The following ZNF91 variants were observed in gnomAD, a reference collection of about 807,000 sequenced individuals.
The protein encoded by ZNF91 is zinc finger protein 91.
In ZNF91, 7 loss-of-function variants were observed where a neutral mutation model predicts 12.6. The ratio of observed to expected loss-of-function variants is 0.55; its 90% CI spans 0.31 to 1.04. The LOEUF (loss-of-function observed/expected upper bound fraction) is 1.04, where lower values mean the gene tolerates loss of function less well. ZNF91 is among the 50% of genes least tolerant of loss of function. The probability of loss-of-function intolerance (pLI) is 0.05; values close to 1 mark genes in which losing one functional copy is unlikely to be tolerated. For missense variants in ZNF91, 1,217 were observed against 1,385.4 expected, an observed-to-expected ratio of 0.88 and a Z score of 1.93; for synonymous variants, 453 against 462.6, an observed-to-expected ratio of 0.98 and a Z score of 0.27.
chr19:23,384,192 C>T (rs184167574), intron 1 of ZNF91, among the ~76,000 whole-genome samples: 3 of 152,302 alleles, frequency 2.0e-5, no homozygotes, highest in Admixed American at 1.3e-4. Flanking sequence ...AACAGGTTTC[C>T]ACATCAGGAA....
At chr19:23,370,553 AGTAGAGTG>A (rs1314639801) in intron 3 of ZNF91, among the ~76,000 whole-genome samples, 1 of 152,176 alleles carries the variant, frequency 6.6e-6, no homozygotes, top group Admixed American at 6.6e-5. Context: ...CACAAGCTTG[AGTAGAGTG>A]GCACATTATG....
At chr19:23,351,606 C>A (rs1404702679) in intron 3 of ZNF91, among the ~76,000 whole-genome samples, 1 of 152,140 alleles carries the variant, frequency 6.6e-6, no homozygotes, top group Non-Finnish European at 1.5e-5. Context: ...AAAATGTGAA[C>A]AGTTTTGACC....
intron 3 of ZNF91, among the ~76,000 whole-genome samples, chr19:23,370,042 AC>A (rs975743208): frequency 1.3e-5 from 2 of 150,996 alleles, no homozygotes; most frequent in African/African-American, 4.8e-5. Context: ...AAACAAACAA[AC>A]AAAACTTATA....
chr19:23,339,278 A>G (rs905078544), intron 3 of ZNF91: 1 of 152,190 alleles, frequency 6.6e-6, no homozygotes, highest in Non-Finnish European at 1.5e-5. Flanking sequence ...AAAAAAGGAT[A>G]AAGATCATCA....
At chr19:23,317,261 G>T (rs1967585511) in intron 1 of ZNF91, among the ~76,000 whole-genome samples, 1 of 152,022 alleles carries the variant, frequency 6.6e-6, no homozygotes, top group Admixed American at 6.5e-5. Context: ...TCTTAGCTAG[G>T]ATGGTCTCGA....
Position 23,395,453 on chromosome 19 carries a change from T to A in ZNF91, c.-99A>T. The A allele has an allele frequency of 6.9e-7, 1 of 1,453,390 alleles. No homozygotes were observed. Among genetic ancestry groups the A allele is most frequent in the South Asian group, 1.2e-5 (1 of 82,076 alleles). The allele number at this position is 1,453,390 out of a possible 1,614,324, so 90.0% of individuals were successfully genotyped here. A position where few individuals can be genotyped will look rare whatever the true frequency, so the allele number is the denominator to read the frequency against. Reference sequence around the variant, plus strand: ...AGCAGTGAAGTCGAGACCTGGAAACTCCGGCGGCAGCGAGAGACAAAGGCC... The same window carrying A: ...AGCAGTGAAGTCGAGACCTGGAAACACCGGCGGCAGCGAGAGACAAAGGCC... On this transcript the variant is annotated 5_prime_UTR_variant, in exon 1 of 4. Coordinates refer to ENST00000300619, the MANE Select transcript of ZNF91 (RefSeq NM_003430.4).
intron 3 of ZNF91, among the ~76,000 whole-genome samples, chr19:23,365,082 T>TA (rs910366541): frequency 2.0e-5 from 3 of 151,880 alleles, no homozygotes; most frequent in Admixed American, 2.0e-4. Context: ...ACATATTCAT[T>TA]AAAAAATCTT....
At chr19:23,310,938 C>A (rs1259165431), upstream of ZNF91, among the ~76,000 whole-genome samples, 8 of 152,218 alleles carry the variant, frequency 5.3e-5, no homozygotes, top group Admixed American at 5.2e-4. Context: ...AGTTGAGTTT[C>A]TTGCTTGGAC....
intron 1 of ZNF91, among the ~76,000 whole-genome samples, chr19:23,317,958 T>C (rs1459613293): frequency 1.3e-5 from 2 of 152,228 alleles, no homozygotes; most frequent in East Asian, 3.9e-4. Flanking sequence ...GACATACACC[T>C]CTGTCCAGCA....
downstream of ZNF91, among the ~76,000 whole-genome samples, chr19:23,335,519 C>T (rs879873596): frequency 8.5e-5 from 13 of 152,196 alleles, no homozygotes; most frequent in South Asian, 2.1e-4. Context: ...CAAGCCTCAG[C>T]GATGGTGGAC....
chr19:23,362,771 A>G, intron 3 of ZNF91, 46 bp from the exon 4 acceptor site: 1 of 1,371,610 alleles, frequency 7.3e-7, no homozygotes, highest in Non-Finnish European at 9.4e-7. Context: ...ACTCACCTAG[A>G]CTCACATGAA....
chr19:23,336,904 A>G (rs945785629), downstream of ZNF91, among the ~76,000 whole-genome samples: 1 of 152,130 alleles, frequency 6.6e-6, no homozygotes, highest in African/African-American at 2.4e-5. Context: ...TGTATCAATA[A>G]TAGTTAATGT....
chr19:23,313,829 A>G (rs1447354805), upstream of ZNF91, among the ~76,000 whole-genome samples: 1 of 152,208 alleles, frequency 6.6e-6, no homozygotes, highest in Non-Finnish European at 1.5e-5. Flanking sequence ...AGTCCACAGA[A>G]GGGATTGAAG....
chr19:23,390,334 A>G (rs1970020173), intron 1 of ZNF91, among the ~76,000 whole-genome samples: 1 of 152,194 alleles, frequency 6.6e-6, no homozygotes, highest in Non-Finnish European at 1.5e-5. Context: ...AAAAAGGTAC[A>G]ACCCCAACAA....
Position 23,388,796 on chromosome 19 carries a change from C to T in ZNF91, c.30+6529G>A, listed in dbSNP as rs990989047. 2.0e-5 allele frequency among the ~76,000 whole-genome samples: 3 copies of T among 152,062 alleles called. 1 individual carries two copies. In the South Asian group the frequency reaches 6.2e-4, roughly 32 times the overall value. On this transcript the variant is annotated intron_variant, in intron 1 of 3. Coordinates refer to ENST00000300619, the MANE Select transcript of ZNF91 (RefSeq NM_003430.4). Reference sequence around the variant, plus strand: ...GGCTGGGGATGGAGAATTGCTTGAACCCAGGAGGTGGAGGTTGCAGTGACC... The same window carrying T: ...GGCTGGGGATGGAGAATTGCTTGAATCCAGGAGGTGGAGGTTGCAGTGACC...
Position 23,360,952 on chromosome 19 carries a change from T to G in ZNF91, c.2027A>C (p.His676Pro). Residue 676 changes from histidine (H) to proline (P), a missense_variant, in exon 4 of 4, where the codon CAT (histidine) becomes CCT (proline). Around this residue, in one of 2 missense-constraint regions of ZNF91, gnomAD observed 726 missense variants for 895.5 expected, o/e 0.81. Coordinates refer to ENST00000300619, the MANE Select transcript of ZNF91 (RefSeq NM_003430.4). ...TTTCTCTTCAGTATGAGTTATCTTA[T>G]GATTAGCAAGGGTTGAGGAATTGCT... Reference protein sequence around the residue: ...AFSNSSTLANHKITHTEEKPY... With the variant: ...AFSNSSTLANPKITHTEEKPY... The G allele has an allele frequency of 6.2e-7, 1 of 1,613,898 alleles. No individual in the cohort carries two copies. The highest frequency in any genetic ancestry group is 8.5e-7 in the Non-Finnish European group (1 of 1,179,844).
chr19:23,359,283 C>T lies in ZNF91; in HGVS notation c.*120G>A, dbSNP rs954817256. On this transcript the variant is annotated 3_prime_UTR_variant, in exon 4 of 4. Transcript: ENST00000300619. ...TGTCGCCCAGGCTTGAGTGCAGTGGCGTGATCTCGGCTCACTGCAAGCTCC... is the reference window on the plus strand; with the variant it reads ...TGTCGCCCAGGCTTGAGTGCAGTGGTGTGATCTCGGCTCACTGCAAGCTCC... 7.7e-5 allele frequency: 37 copies of T among 482,230 alleles called. No individual in the cohort carries two copies. Among genetic ancestry groups the T allele is most frequent in the South Asian group, 3.5e-4 (16 of 45,160 alleles). 29.9% of individuals were successfully genotyped at this position (482,230 alleles called of 1,614,324 possible). A position where few individuals can be genotyped will look rare whatever the true frequency, so the allele number is the denominator to read the frequency against.
intron 3 of ZNF91, among the ~76,000 whole-genome samples, chr19:23,305,772 T>G (rs1276547072): frequency 6.6e-6 from 1 of 152,208 alleles, no homozygotes. Context: ...CAGTGGTGCA[T>G]GAGAATAGCT....
At chr19:23,386,917 C>A (rs997911387) in intron 1 of ZNF91, among the ~76,000 whole-genome samples, 1 of 152,076 alleles carries the variant, frequency 6.6e-6, no homozygotes, top group South Asian at 2.1e-4. Context: ...TTCTGACAAA[C>A]GTCTAATATC....
Sources: allele counts gnomAD v4.1 joint callset (sites outside exome capture counted in the v4.1 genomes callset), GRCh38; gene constraint gnomAD v4.1.1; regional missense constraint gnomAD v4.1.1; transcripts MANE v1.5; gene names NCBI Gene and HGNC (gene_info 2026-07-23, HGNC 2026-07-21).